RAD51B: variants seen among roughly 807,000 people sequenced by gnomAD.
RAD51B encodes the protein RAD51 paralog B, also known as DNA repair protein RAD51 homolog 2.
RAD51B carries 38 observed loss-of-function variants against 42.2 expected under a neutral mutation model. The observed-to-expected ratio is 0.90, with a 90% CI of 0.70 to 1.18. The LOEUF is 1.18. RAD51B is among the 50% of genes most tolerant of loss of function. The pLI is 0.00. For missense variants in RAD51B, 373 were observed against 400.7 expected, an observed-to-expected ratio of 0.93 and a Z score of 0.59; for synonymous variants, 154 against 145.2, an observed-to-expected ratio of 1.06 and a Z score of -0.43.
intron 7 of RAD51B, among the ~76,000 whole-genome samples, chr14:68,197,498 T>A (rs944919685): frequency 1.0e-3 from 157 of 152,192 alleles, no homozygotes; most frequent in Non-Finnish European, 1.8e-3. Flanking sequence ...TGAATATGCT[T>A]ATACAAGTTC....
At chr14:68,664,704 G>A (rs1208510953) in intron 11 of RAD51B, among the ~76,000 whole-genome samples, 2 of 152,144 alleles carry the variant, frequency 1.3e-5, no homozygotes, top group African/African-American at 4.8e-5. Flanking sequence ...GGGTTCATAT[G>A]TGCTTATTTG....
At chr14:68,219,652 G>C (rs938016073) in intron 7 of RAD51B, among the ~76,000 whole-genome samples, 7 of 152,222 alleles carry the variant, frequency 4.6e-5, no homozygotes, top group African/African-American at 1.7e-4. Flanking sequence ...CACCACCTAA[G>C]GGAGCACCCC....
At chr14:68,611,111 C>G in exon 11 of RAD51B, 1 of 703,164 alleles carries the variant, frequency 1.4e-6, no homozygotes, top group Non-Finnish European at 2.6e-6. Context: ...CTCAGAAAAA[C>G]AAGGAATCCC....
intron 10 of RAD51B, among the ~76,000 whole-genome samples, chr14:68,472,416 G>C (rs1168336957): frequency 1.3e-5 from 2 of 152,172 alleles, no homozygotes; most frequent in Non-Finnish European, 2.9e-5. Context: ...CTAGTTTTCA[G>C]GGGCTCATAG....
At chr14:68,465,893 A>G (rs1454657368) in intron 9 of RAD51B, among the ~76,000 whole-genome samples, 1 of 151,346 alleles carries the variant, frequency 6.6e-6, no homozygotes, top group East Asian at 1.9e-4. Flanking sequence ...GTGAGCCGAG[A>G]TTGCGCCACT....
chr14:67,934,052 G>C lies in RAD51B; in HGVS notation c.756+46848G>C, dbSNP rs371382741. 5.9e-5 allele frequency among the ~76,000 whole-genome samples: 9 copies of C among 152,272 alleles called. No homozygotes were observed. The South Asian group carries it at 1.9e-3, about 32-fold the overall frequency. On this transcript the variant is annotated intron_variant, in intron 7 of 10. Transcript: ENST00000471583. ...TTGGTTGTAGATGTGAAAGGAAATG[G>C]GTTCATTGTATCTGATGCTGCCGTT...
At chr14:68,135,321 T>G (rs1342875880) in intron 7 of RAD51B, among the ~76,000 whole-genome samples, 1 of 152,238 alleles carries the variant, frequency 6.6e-6, no homozygotes, top group Non-Finnish European at 1.5e-5. Flanking sequence ...CACCTCATAT[T>G]ACTAATATTT....
At chr14:67,861,799 C>T (rs2042173074) in intron 4 of RAD51B, among the ~76,000 whole-genome samples, 1 of 152,012 alleles carries the variant, frequency 6.6e-6, no homozygotes, top group Non-Finnish European at 1.5e-5. Context: ...TTTCTAAAGG[C>T]TGGGATAAAA....
chr14:68,380,552 C>G (rs2083459553), intron 8 of RAD51B, among the ~76,000 whole-genome samples: 1 of 152,146 alleles, frequency 6.6e-6, no homozygotes, highest in Non-Finnish European at 1.5e-5. Context: ...TAATTCCCCA[C>G]AGAGAGATGG....
chr14:68,123,204 T>G (rs1385127722), intron 7 of RAD51B, among the ~76,000 whole-genome samples: 1 of 148,500 alleles, frequency 6.7e-6, no homozygotes, highest in Non-Finnish European at 1.5e-5. Context: ...TTTTTTTTTT[T>G]TTTTTTGAGA....
At chr14:68,042,888 C>T (rs772831951) in intron 7 of RAD51B, among the ~76,000 whole-genome samples, 8 of 152,180 alleles carry the variant, frequency 5.3e-5, no homozygotes, top group Non-Finnish European at 1.0e-4. Context: ...GATCACAAAG[C>T]CTTCCAGGGA....
intron 8 of RAD51B, among the ~76,000 whole-genome samples, chr14:68,338,079 A>G (rs1212691660): frequency 6.6e-6 from 1 of 152,178 alleles, no homozygotes; most frequent in African/African-American, 2.4e-5. Flanking sequence ...GTCATGAGCC[A>G]CCGTGCCAGG....
chr14:68,215,837 C>T (rs1330228683), intron 7 of RAD51B, among the ~76,000 whole-genome samples: 7 of 152,028 alleles, frequency 4.6e-5, no homozygotes, highest in Admixed American at 3.9e-4. Flanking sequence ...AAAGCTGAGC[C>T]GAATTTTGCT....
At chr14:68,303,681 A>T (rs1176901640) in intron 8 of RAD51B, among the ~76,000 whole-genome samples, 1 of 152,116 alleles carries the variant, frequency 6.6e-6, no homozygotes, top group African/African-American at 2.4e-5. Flanking sequence ...CCTTTCTGAG[A>T]TGTTGGGTGG....
intron 7 of RAD51B, among the ~76,000 whole-genome samples, chr14:67,890,578 A>G (rs1260265829): frequency 2.0e-5 from 3 of 151,380 alleles, no homozygotes; most frequent in East Asian, 2.0e-4. Context: ...GTCATCTAGC[A>G]TTAGGTATAT....
At chr14:68,668,081 C>T (rs1249170353) in intron 11 of RAD51B, among the ~76,000 whole-genome samples, 2 of 152,224 alleles carry the variant, frequency 1.3e-5, no homozygotes, top group Non-Finnish European at 2.9e-5. Context: ...TCACCCCTGG[C>T]TGCTGAGGGT....
intron 10 of RAD51B, among the ~76,000 whole-genome samples, chr14:68,629,038 G>C (rs1566959385): frequency 6.6e-6 from 1 of 152,114 alleles, no homozygotes; most frequent in Non-Finnish European, 1.5e-5. Context: ...CTCGAGAGAC[G>C]GCTGCAGGAA....
chr14:68,002,258 G>T (rs1341089806), intron 7 of RAD51B, among the ~76,000 whole-genome samples: 1 of 151,992 alleles, frequency 6.6e-6, no homozygotes, highest in African/African-American at 2.4e-5. Context: ...GTGAGCCATT[G>T]TGGTTTTGAT....
chr14:68,334,800 A>G (rs2082412900), intron 8 of RAD51B, among the ~76,000 whole-genome samples: 1 of 151,340 alleles, frequency 6.6e-6, no homozygotes, highest in Admixed American at 6.6e-5. Flanking sequence ...TACTTGATAT[A>G]TCATGTGATA....
Sources: allele counts gnomAD v4.1 joint callset (sites outside exome capture counted in the v4.1 genomes callset), GRCh38; gene constraint gnomAD v4.1.1; transcripts MANE v1.5; gene names NCBI Gene and HGNC (gene_info 2026-07-23, HGNC 2026-07-21).